DNAH5: variants seen among roughly 807,000 people sequenced by gnomAD.
DNAH5 encodes axonemal beta dynein heavy chain 5.
A neutral mutation model predicts 518.2 loss-of-function variants in DNAH5; 372 were observed. That is an observed-to-expected ratio of 0.72 (90% CI 0.66 to 0.78). The LOEUF is 0.78. Ranked by LOEUF, DNAH5 falls within the 30% of genes least tolerant of loss-of-function variation. The pLI is 0.00. For missense variants in DNAH5, 5,523 were observed against 5,687.0 expected (o/e 0.97, Z 0.93); for synonymous variants, 2,039 against 2,025.9 (o/e 1.01, Z -0.17).
In DNAH5 at chr5:13,729,356, T is replaced by C. The variant is rs115078928; in HGVS notation, c.11883+83A>G. 1,097 of 1,566,980 alleles carry C rather than the reference T, an allele frequency of 7.0e-4. 7 individuals carry two copies. In the Middle Eastern group the frequency reaches 0.012, roughly 18 times the overall value. ...GAGTGACAATATTAAGAACTATCTCTCTTCCACAAATATTGTACCTAGTGA... is the reference window on the plus strand; with the variant it reads ...GAGTGACAATATTAAGAACTATCTCCCTTCCACAAATATTGTACCTAGTGA... On this transcript the variant is annotated intron_variant, in intron 69 of 78. Coordinates refer to ENST00000265104, the MANE Select transcript of DNAH5 (RefSeq NM_001369.3).
At chr5:13,918,028 C>T (rs1776830033) in intron 7 of DNAH5, among the ~76,000 whole-genome samples, 1 of 152,192 alleles carries the variant, frequency 6.6e-6, no homozygotes, top group African/African-American at 2.4e-5. Flanking sequence ...TCCCTGTATT[C>T]AAGCTCTTGT....
intron 60 of DNAH5, among the ~76,000 whole-genome samples, chr5:13,760,091 G>A (rs1751578997): frequency 6.6e-6 from 1 of 152,118 alleles, no homozygotes; most frequent in Admixed American, 6.6e-5. Context: ...TGTTCCCATG[G>A]CTCAAAACAT....
intron 1 of DNAH5, among the ~76,000 whole-genome samples, chr5:13,990,122 T>C (rs929648080): frequency 2.2e-5 from 3 of 136,826 alleles, no homozygotes; most frequent in African/African-American, 8.3e-5. Flanking sequence ...TAATAAAACA[T>C]GAGAAAAAGT....
intron 62 of DNAH5, among the ~76,000 whole-genome samples, 172 bp from the exon 63 acceptor site, chr5:13,753,721 T>C (rs1230820306): frequency 3.3e-5 from 5 of 152,208 alleles, no homozygotes; most frequent in Admixed American, 6.5e-5. Flanking sequence ...TCTGGTTTAT[T>C]AGTCAATAAG....
intron 68 of DNAH5, among the ~76,000 whole-genome samples, chr5:13,733,865 C>G (rs1360039754): frequency 6.6e-6 from 1 of 152,118 alleles, no homozygotes; most frequent in Non-Finnish European, 1.5e-5. Flanking sequence ...TACAAACCTA[C>G]TCTCCATGTT....
At chr5:13,835,871 C>A (rs1279983004) in intron 35 of DNAH5, among the ~76,000 whole-genome samples, 1 of 152,132 alleles carries the variant, frequency 6.6e-6, no homozygotes, top group Non-Finnish European at 1.5e-5. Flanking sequence ...CGGCACAAGG[C>A]AAAGGACCCT....
chr5:13,721,268 C>T (rs1209746077), intron 70 of DNAH5, 23 bp from the exon 71 acceptor site: 2 of 1,613,738 alleles, frequency 1.2e-6, no homozygotes, highest in East Asian at 2.2e-5. Context: ...GTATACAAGT[C>T]AGTAAAAGTC....
chr5:13,857,613 T>C (rs907573814), intron 30 of DNAH5, among the ~76,000 whole-genome samples: 4 of 152,148 alleles, frequency 2.6e-5, no homozygotes, highest in African/African-American at 9.7e-5. Context: ...TTTCAAACTA[T>C]ACTTCAAGGC....
At chr5:13,695,875 C>T (rs1286800418) in intron 78 of DNAH5, among the ~76,000 whole-genome samples, 3 of 152,176 alleles carry the variant, frequency 2.0e-5, no homozygotes, top group African/African-American at 2.4e-5. Flanking sequence ...CACATGCACA[C>T]GCACATACAC....
chr5:13,751,400 C>G, intron 64 of DNAH5, 140 bp from the exon 65 acceptor site: 1 of 811,572 alleles, frequency 1.2e-6, no homozygotes, highest in East Asian at 2.7e-5. Context: ...GGTCATGAGG[C>G]GTCTGCACAG....
Position 13,788,596 on chromosome 5 carries a change from C to T in DNAH5, c.8647+120G>A, listed in dbSNP as rs1308593409. 3.5e-5 allele frequency: 29 copies of T among 826,818 alleles called. 1 individual carries two copies. The South Asian group carries it at 4.1e-4, about 12-fold the overall frequency. 51.2% of individuals were successfully genotyped at this position (826,818 alleles called of 1,614,324 possible). On this transcript the variant is annotated intron_variant, in intron 51 of 78. Coordinates refer to ENST00000265104, the MANE Select transcript of DNAH5 (RefSeq NM_001369.3). ...TATTGAGCATCTACTGTGTCTCAGG[C>T]TTGTATCAATAAAGTTTACTAGAAA... is the stretch of plus-strand genomic sequence containing the variant.
Position 13,823,299 on chromosome 5 carries a change from T to C in DNAH5, c.6651A>G (p.Ala2217=). The change falls in exon 40 of 79, where the codon GCA becomes GCG. Residue 2217 remains alanine (A), a synonymous_variant. Transcript: ENST00000265104. ...TTGCTGCTTCCAGTTCAGGGTAACC[T>C]GCCTTGTCCAGAAGAATATTTGGAA... ...DLFPNILLDK[A]GYPELEAAIS... 1 of 1,613,926 alleles carries C rather than the reference T, an allele frequency of 6.2e-7. No individual in the cohort carries two copies. Among genetic ancestry groups the C allele is most frequent in the Non-Finnish European group, 8.5e-7 (1 of 1,179,808 alleles).
intron 35 of DNAH5, among the ~76,000 whole-genome samples, chr5:13,837,155 G>A (rs1354156752): frequency 6.6e-6 from 1 of 152,240 alleles, no homozygotes; most frequent in East Asian, 1.9e-4. Context: ...ACTTCTGATG[G>A]ACAGAACTAC....
intron 41 of DNAH5, 65 bp downstream of exon 41, chr5:13,820,281 G>A: frequency 6.5e-7 from 1 of 1,540,592 alleles, no homozygotes; most frequent in South Asian, 1.1e-5. Flanking sequence ...TCCCTCTTGG[G>A]CATTCAAATG....
At chr5:13,970,189 G>T (rs1024640884) in intron 1 of DNAH5, among the ~76,000 whole-genome samples, 27 of 152,150 alleles carry the variant, frequency 1.8e-4, no homozygotes, top group African/African-American at 6.3e-4. Context: ...GAGTCCTTAT[G>T]TGTTGGTGAG....
rs767723156 is a variant in DNAH5, at chr5:13,820,337, G to T, written c.6841+9C>A. On this transcript the variant is annotated intron_variant, in intron 41 of 78. Coordinates refer to ENST00000265104, the MANE Select transcript of DNAH5 (RefSeq NM_001369.3). ...GCCACCCCAGGCATTGACCTTGGCT[G>T]CCCTGTACCTGTCATGGCTCTCATC... 6.2e-7 allele frequency: 1 copy of T among 1,607,602 alleles called. No homozygotes were observed. Among genetic ancestry groups the T allele is most frequent in the South Asian group, 1.1e-5 (1 of 91,036 alleles).
chr5:13,706,397 G>T (rs1419702897), intron 76 of DNAH5, among the ~76,000 whole-genome samples: 1 of 152,182 alleles, frequency 6.6e-6, no homozygotes, highest in Non-Finnish European at 1.5e-5. Context: ...TTCATGCTGT[G>T]GGTGTGGAGT....
rs549568296 is a variant in DNAH5, at chr5:13,971,207, T to C, written c.13-39963A>G. On this transcript the variant is annotated intron_variant, in intron 1 of 78. Transcript: ENST00000681290. ...TCATTTTTTTATTTCTTTAAGTTGG[T>C]ATTCACCTTTTTCTGGTGCCTCCTT... 6.6e-5 allele frequency among the ~76,000 whole-genome samples: 10 copies of C among 152,314 alleles called. No homozygotes were observed. In the East Asian group the frequency reaches 1.3e-3, roughly 21 times the overall value.
At chr5:13,917,024 T>C (rs1319994052) in intron 8 of DNAH5, 119 bp downstream of exon 8, 13 of 779,692 alleles carry the variant, frequency 1.7e-5, no homozygotes, top group Non-Finnish European at 2.4e-5. Flanking sequence ...TTCTTGAAAA[T>C]AAAGTTTCTA....
Sources: allele counts gnomAD v4.1 joint callset (sites outside exome capture counted in the v4.1 genomes callset), GRCh38; gene constraint gnomAD v4.1.1; transcripts MANE v1.5; gene names NCBI Gene and HGNC (gene_info 2026-07-23, HGNC 2026-07-21).